Variants in EBAG9 observed in about 807,000 individuals in gnomAD.
The protein encoded by EBAG9 is receptor-binding cancer antigen expressed on SiSo cells.
In EBAG9, 16 loss-of-function variants were observed where a neutral mutation model predicts 30.9. That is an observed-to-expected ratio of 0.52 (90% CI 0.35 to 0.79). The LOEUF (loss-of-function observed/expected upper bound fraction) is 0.79, where lower values mean the gene tolerates loss of function less well. EBAG9 is among the 30% of genes least tolerant of loss of function. The pLI, the probability that EBAG9 is intolerant of heterozygous loss-of-function variation, is 0.01. For synonymous variants in EBAG9, 93 were observed against 82.8 expected (o/e 1.12, Z -0.67); for missense variants, 197 against 242.1 (o/e 0.81, Z 1.24).
intron 6 of EBAG9, chr8:109,563,315 T>G: frequency 6.7e-7 from 1 of 1,498,428 alleles, no homozygotes; most frequent in African/African-American, 1.4e-5. Context: ...TAATGTTGCC[T>G]ATTCCATGCC....
rs115637011 is a variant in EBAG9, at chr8:109,555,962, G to A, written c.322-973G>A. Among the ~76,000 whole-genome samples the A allele has an allele frequency of 6.3e-3, 954 of 152,112 alleles. 12 individuals are homozygous for A. The highest frequency in any genetic ancestry group is 0.022 in the African/African-American group (906 of 41,524). On this transcript the variant is annotated intron_variant, in intron 4 of 6. Transcript: ENST00000337573. Reference sequence around the variant, plus strand: ...TGGATTTCTTCAAGTGTTTGTCATCGTATCTATCTATATGGTTATATTGCC... The same window carrying A: ...TGGATTTCTTCAAGTGTTTGTCATCATATCTATCTATATGGTTATATTGCC...
chr8:109,544,487 G>A (rs1048561597), intron 1 of EBAG9, among the ~76,000 whole-genome samples: 3 of 152,176 alleles, frequency 2.0e-5, no homozygotes, highest in Non-Finnish European at 2.9e-5. Context: ...GAGCAGAACC[G>A]TTAACTTCAG....
rs557388998 is a variant in EBAG9 at position 109,543,135 on chromosome 8, C to CTTTTT, written c.-16+2701_-16+2705dup. Among the ~76,000 whole-genome samples the CTTTTT allele has an allele frequency of 7.1e-3, 376 of 52,812 alleles. 46 individuals carry two copies. Among genetic ancestry groups the CTTTTT allele is most frequent in the Non-Finnish European group, 0.012 (229 of 19,726 alleles). The allele number at this position is 52,812 out of a possible 152,430, so 34.6% of individuals were successfully genotyped here. On this transcript the variant is annotated intron_variant, in intron 1 of 6. Transcript: ENST00000337573. ...GAGTACAATTTTTAATATTCTGGTT[C>CTTTTT]TTTTTTTTTTTTTTTTTTTTTTTTT...
chr8:109,543,045 T>G (rs1196560322), intron 1 of EBAG9, among the ~76,000 whole-genome samples: 2 of 151,756 alleles, frequency 1.3e-5, no homozygotes, highest in Admixed American at 1.3e-4. Flanking sequence ...TCAGCATTGT[T>G]GCATGATTTG....
In EBAG9 at chr8:109,545,263, G is replaced by A. The variant is rs200539106; in HGVS notation, c.-16+4802G>A. Among the ~76,000 whole-genome samples, 38 of 148,860 alleles carry A rather than the reference G, an allele frequency of 2.6e-4. No homozygotes were observed. The East Asian group carries it at 6.5e-3, about 25-fold the overall frequency. On this transcript the variant is annotated intron_variant, in intron 1 of 6. Coordinates refer to ENST00000337573, the MANE Select transcript of EBAG9 (RefSeq NM_004215.5). The stretch of plus-strand genomic sequence containing the variant: ...CTTGAACCCGGGAAGCGGAAGTTGC[G>A]GTGAGCTGAGATTGCACCATGGCAC...
chr8:109,558,683 A>G (rs1821652341), intron 5 of EBAG9, among the ~76,000 whole-genome samples: 1 of 152,104 alleles, frequency 6.6e-6, no homozygotes, highest in Admixed American at 6.6e-5. Flanking sequence ...AGACAGAATA[A>G]AGGGGCATTG....
chr8:109,564,803 T>C lies in EBAG9; in HGVS notation c.*244T>C. The C allele has an allele frequency of 2.7e-6, 1 of 374,282 alleles. No individual in the cohort carries two copies. The highest frequency in any genetic ancestry group is 4.8e-6 in the Non-Finnish European group (1 of 208,062). 23.2% of individuals were successfully genotyped at this position (374,282 alleles called of 1,614,324 possible). ...ATGCTCCAAATATAAGACATTTGTTTGCTGTACAGAAAGTATCACAAATGG... is the reference window on the plus strand; with the variant it reads ...ATGCTCCAAATATAAGACATTTGTTCGCTGTACAGAAAGTATCACAAATGG... On this transcript the variant is annotated 3_prime_UTR_variant, in exon 7 of 7. Coordinates refer to ENST00000337573, the MANE Select transcript of EBAG9 (RefSeq NM_004215.5).
At chr8:109,558,715 A>G (rs1167703047) in intron 5 of EBAG9, among the ~76,000 whole-genome samples, 1 of 152,248 alleles carries the variant, frequency 6.6e-6, no homozygotes, top group African/African-American at 2.4e-5. Context: ...ATGGTAACCT[A>G]TTGGACTTTG....
At chr8:109,550,928 A>G (rs772508201) in intron 2 of EBAG9, 21 bp downstream of exon 2, 4 of 1,485,210 alleles carry the variant, frequency 2.7e-6, no homozygotes, top group East Asian at 2.4e-5. Context: ...TTTATGTTCA[A>G]ACTAACCTGT....
chr8:109,563,519 G>C, intron 6 of EBAG9: 1 of 1,596,680 alleles, frequency 6.3e-7, no homozygotes, highest in South Asian at 1.1e-5. Flanking sequence ...TGGAGTTACG[G>C]AAAGAGTAAG....
intron 1 of EBAG9, among the ~76,000 whole-genome samples, chr8:109,548,887 CTTTTTT>C (rs548152043): frequency 4.0e-5 from 5 of 125,116 alleles, no homozygotes; most frequent in African/African-American, 1.2e-4. Flanking sequence ...TTTCTTTTTT[CTTTTTT>C]TTTTTTTTTT....
At chr8:109,556,067 C>T (rs531276900) in intron 4 of EBAG9, among the ~76,000 whole-genome samples, 3 of 152,146 alleles carry the variant, frequency 2.0e-5, no homozygotes, top group South Asian at 4.1e-4. Flanking sequence ...TACTACCATT[C>T]CCTCTCCTTT....
At chr8:109,556,641 T>G (rs1190363865) in intron 4 of EBAG9, among the ~76,000 whole-genome samples, 19 of 152,118 alleles carry the variant, frequency 1.2e-4, no homozygotes, top group Non-Finnish European at 1.9e-4. Flanking sequence ...TGTTGTTATT[T>G]AATACAGTAA....
At chr8:109,547,170 C>T (rs1225871634) in intron 1 of EBAG9, among the ~76,000 whole-genome samples, 2 of 152,032 alleles carry the variant, frequency 1.3e-5, no homozygotes, top group East Asian at 3.9e-4. Flanking sequence ...CTTTATATGG[C>T]TATATACTTT....
At chr8:109,551,182 T>C (rs1374582002) in intron 2 of EBAG9, among the ~76,000 whole-genome samples, 3 of 152,066 alleles carry the variant, frequency 2.0e-5, no homozygotes, top group Admixed American at 1.3e-4. Flanking sequence ...CAACTTTCAT[T>C]ATTATAATCA....
At chr8:109,551,106 G>A (rs1428778813) in intron 2 of EBAG9, among the ~76,000 whole-genome samples, 199 bp downstream of exon 2, 3 of 151,794 alleles carry the variant, frequency 2.0e-5, no homozygotes, top group African/African-American at 7.3e-5. Context: ...CAGTTGTTTT[G>A]TTCATTCAAA....
At chr8:109,556,693 G>T (rs1190735120) in intron 4 of EBAG9, among the ~76,000 whole-genome samples, 1 of 151,992 alleles carries the variant, frequency 6.6e-6, no homozygotes, top group Non-Finnish European at 1.5e-5. Flanking sequence ...GGGAAAGTAG[G>T]ATAGAAAGAA....
At chr8:109,548,887 C>CTTTTTTTTTTTTTTTTTTTTTT (rs548152043) in intron 1 of EBAG9, among the ~76,000 whole-genome samples, 60 of 125,046 alleles carry the variant, frequency 4.8e-4, no homozygotes, top group Non-Finnish European at 7.3e-4. Flanking sequence ...TTTCTTTTTT[C>CTTTTTTTTTTTTTTTTTTTTTT]TTTTTTTTTT....
At chr8:109,554,935 C>A in intron 4 of EBAG9, 48 bp downstream of exon 4, 1 of 1,536,548 alleles carries the variant, frequency 6.5e-7, no homozygotes, top group Non-Finnish European at 8.8e-7. Flanking sequence ...TTTTAGATTC[C>A]TATAGTTAAA....
Sources: allele counts gnomAD v4.1 joint callset (sites outside exome capture counted in the v4.1 genomes callset), GRCh38; gene constraint gnomAD v4.1.1; transcripts MANE v1.5; gene names NCBI Gene and HGNC (gene_info 2026-07-23, HGNC 2026-07-21).